Variants in KIF26B observed in about 807,000 individuals in gnomAD.
KIF26B encodes kinesin family member 26B.
In KIF26B, 63 loss-of-function variants were observed where a neutral mutation model predicts 151.2. That is an observed-to-expected ratio of 0.42 (90% CI 0.34 to 0.51). KIF26B has a LOEUF of 0.51. Among genes scored for constraint, KIF26B ranks in the 20% least tolerant of loss-of-function variants. KIF26B has a pLI of 0.07. For synonymous variants in KIF26B, 1,357 were observed against 1,262.1 expected, an observed-to-expected ratio of 1.08 and a Z score of -1.59; for missense variants, 2,813 against 2,913.6, an observed-to-expected ratio of 0.97 and a Z score of 0.79.
intron 3 of KIF26B, among the ~76,000 whole-genome samples, chr1:245,368,420 C>T (rs1373598538): frequency 1.3e-5 from 2 of 152,108 alleles, no homozygotes; most frequent in African/African-American, 2.4e-5. Context: ...TTGACCGTCA[C>T]TGGAATGGAG....
chr1:245,162,596 G>A (rs1668551655), intron 2 of KIF26B, among the ~76,000 whole-genome samples: 1 of 152,040 alleles, frequency 6.6e-6, no homozygotes. Flanking sequence ...ATATTGGTCA[G>A]GCTAGTCTCT....
At chr1:245,276,523 G>A (rs2102965814) in intron 2 of KIF26B, among the ~76,000 whole-genome samples, 1 of 152,184 alleles carries the variant, frequency 6.6e-6, no homozygotes, top group Non-Finnish European at 1.5e-5. Context: ...CCTTGACCTG[G>A]CGCCCTTTCC....
intron 2 of KIF26B, among the ~76,000 whole-genome samples, chr1:245,299,085 T>C (rs1003482810): frequency 3.3e-5 from 5 of 152,216 alleles, no homozygotes; most frequent in African/African-American, 1.2e-4. Context: ...CTGTTTGTGT[T>C]CCTAACCCAG....
intron 2 of KIF26B, among the ~76,000 whole-genome samples, chr1:245,274,596 A>G (rs960306150): frequency 4.6e-5 from 7 of 152,272 alleles, no homozygotes; most frequent in Admixed American, 3.3e-4. Flanking sequence ...TCCATGGTGT[A>G]TATGTGCCAC....
chr1:245,684,514 C>A, intron 11 of KIF26B, 119 bp downstream of exon 11: 2 of 1,101,646 alleles, frequency 1.8e-6, no homozygotes, highest in Non-Finnish European at 1.3e-6. Context: ...GGAGATGTGA[C>A]TTGGAGCTGA....
intron 5 of KIF26B, among the ~76,000 whole-genome samples, chr1:245,559,794 C>T (rs2042921221): frequency 6.6e-6 from 1 of 152,150 alleles, no homozygotes. Flanking sequence ...GATCCTCCCA[C>T]CTCAGCCTCC....
In KIF26B at chr1:245,189,076, A is replaced by C. The variant is rs1054272308; in HGVS notation, c.465+32393A>C. ...GGGGAATGGAGAGTTATTGTTTAAC[A>C]TACAGAGTTTCAATTCGGGAAGATG... On this transcript the variant is annotated intron_variant, in intron 2 of 14. Transcript: ENST00000407071. 7.9e-5 allele frequency among the ~76,000 whole-genome samples: 12 copies of C among 152,348 alleles called. No individual in the cohort carries two copies. In the South Asian group the frequency reaches 1.4e-3, roughly 18 times the overall value.
At chr1:245,689,597 G>A (rs1179738327) in intron 12 of KIF26B, among the ~76,000 whole-genome samples, 4 of 152,030 alleles carry the variant, frequency 2.6e-5, no homozygotes, top group East Asian at 3.9e-4. Flanking sequence ...TTACTCTATC[G>A]CCCAGGCTGG....
intron 10 of KIF26B, among the ~76,000 whole-genome samples, chr1:245,668,534 G>A (rs6428944): frequency 0.065 from 9,946 of 152,038 alleles, 978 homozygotes; most frequent in African/African-American, 0.21. Context: ...CTTTTCTCAG[G>A]CTTGTATTGG....
chr1:245,496,727 T>C (rs760679708), intron 4 of KIF26B, among the ~76,000 whole-genome samples: 43 of 152,280 alleles, frequency 2.8e-4, no homozygotes, highest in Non-Finnish European at 5.7e-4. Context: ...ATTGACTAAA[T>C]ACTCTAATTA....
chr1:245,541,119 C>A (rs567704313), intron 5 of KIF26B, among the ~76,000 whole-genome samples, 169 bp downstream of exon 5: 19 of 152,338 alleles, frequency 1.2e-4, no homozygotes, highest in Admixed American at 2.0e-4. Flanking sequence ...TGGTTGCATA[C>A]ACTAAGTGGT....
At chr1:245,240,899 G>A (rs953445236) in intron 2 of KIF26B, among the ~76,000 whole-genome samples, 3 of 152,120 alleles carry the variant, frequency 2.0e-5, no homozygotes, top group African/African-American at 7.2e-5. Flanking sequence ...GGAGAATGAG[G>A]TGGAAAGAAA....
chr1:245,362,486 C>T (rs1055873690), intron 2 of KIF26B, among the ~76,000 whole-genome samples: 2 of 150,884 alleles, frequency 1.3e-5, no homozygotes, highest in South Asian at 4.2e-4. Flanking sequence ...TGCAGTGAGC[C>T]GAGATCGCAC....
At position 245,427,565 on chromosome 1, in the gene KIF26B, G is replaced by T. The variant is rs186052895; in HGVS notation, c.1166+7820G>T. On this transcript the variant is annotated intron_variant, in intron 4 of 14. Transcript: ENST00000407071. ...GGAGGTTGCGGTGAGCCAAGATCAC[G>T]CCATTGCACTCCAGCCTGGACAGCA... Among the ~76,000 whole-genome samples the T allele has an allele frequency of 3.3e-5, 5 of 152,146 alleles. No individual in the cohort carries two copies. In the East Asian group the frequency reaches 9.7e-4, roughly 29 times the overall value.
chr1:245,158,700 A>G (rs1668485216), intron 2 of KIF26B, among the ~76,000 whole-genome samples: 1 of 152,212 alleles, frequency 6.6e-6, no homozygotes, highest in Non-Finnish European at 1.5e-5. Flanking sequence ...GCAGCACAGT[A>G]AAGCGTGACA....
chr1:245,492,642 T>G (rs1460971337), intron 4 of KIF26B, among the ~76,000 whole-genome samples: 1 of 152,252 alleles, frequency 6.6e-6, no homozygotes, highest in Non-Finnish European at 1.5e-5. Context: ...TTTTTCAAAC[T>G]GACCTAAGCC....
chr1:245,585,436 G>C (rs774184802), intron 5 of KIF26B, among the ~76,000 whole-genome samples: 4 of 152,140 alleles, frequency 2.6e-5, no homozygotes, highest in Non-Finnish European at 5.9e-5. Flanking sequence ...GTATGAGTCA[G>C]AGGCAGGACA....
intron 8 of KIF26B, among the ~76,000 whole-genome samples, chr1:245,610,967 C>T (rs2043514442): frequency 6.6e-6 from 1 of 152,200 alleles, no homozygotes; most frequent in Non-Finnish European, 1.5e-5. Context: ...TTGAACAAAT[C>T]AGAAACATGA....
At chr1:245,206,032 C>G (rs1390922680) in intron 2 of KIF26B, among the ~76,000 whole-genome samples, 1 of 152,092 alleles carries the variant, frequency 6.6e-6, no homozygotes. Flanking sequence ...GTCACTGAGC[C>G]CAGCCCCCAA....
Sources: gnomAD v4.1 joint callset for allele counts (sites outside exome capture counted in the v4.1 genomes callset) on GRCh38, gnomAD v4.1.1 for gene constraint, MANE v1.5 for transcripts, NCBI Gene and HGNC (gene_info 2026-07-23, HGNC 2026-07-21) for gene names.